Variants in FAF1 observed in about 807,000 individuals in gnomAD.
FAF1 encodes the protein Fas associated factor 1.
A neutral mutation model predicts 92.5 loss-of-function variants in FAF1; 25 were observed. The observed-to-expected ratio is 0.27, with a 90% CI of 0.20 to 0.38. FAF1 has a LOEUF of 0.38. Ranked by LOEUF, FAF1 falls within the 10% of genes least tolerant of loss-of-function variation. FAF1 has a pLI of 1.00. For synonymous variants in FAF1, 234 were observed against 273.2 expected (o/e 0.86, Z 1.42); for missense variants, 636 against 793.3 (o/e 0.80, Z 2.38).
intron 15 of FAF1, among the ~76,000 whole-genome samples, chr1:50,530,300 AGTGT>A (rs904131423): frequency 1.0e-4 from 13 of 127,282 alleles, no homozygotes; most frequent in South Asian, 2.6e-4. Flanking sequence ...TATATGTATG[AGTGT>A]GTGTGTGTGT....
At chr1:50,645,656 C>G (rs1329624290) in intron 8 of FAF1, among the ~76,000 whole-genome samples, 1 of 152,080 alleles carries the variant, frequency 6.6e-6, no homozygotes, top group African/African-American at 2.4e-5. Flanking sequence ...AACCCCGTCT[C>G]TACTAAAAAT....
At chr1:50,662,517 A>G (rs143576568) in intron 7 of FAF1, among the ~76,000 whole-genome samples, 6 of 152,110 alleles carry the variant, frequency 3.9e-5, no homozygotes, top group African/African-American at 1.4e-4. Flanking sequence ...GCCATCCTGA[A>G]ACACTACCCA....
chr1:50,559,586 A>G (rs1475510069), intron 13 of FAF1, among the ~76,000 whole-genome samples: 1 of 152,238 alleles, frequency 6.6e-6, no homozygotes, highest in Non-Finnish European at 1.5e-5. Context: ...CATTGTTTGC[A>G]GGGACAATTG....
At chr1:50,932,056 C>G (rs914831454) in intron 1 of FAF1, among the ~76,000 whole-genome samples, 3 of 151,698 alleles carry the variant, frequency 2.0e-5, no homozygotes, top group African/African-American at 7.3e-5. Flanking sequence ...ATTCAATTAC[C>G]TCCCCCCGGG....
At chr1:50,720,399 A>G (rs1658359197) in intron 6 of FAF1, among the ~76,000 whole-genome samples, 1 of 152,254 alleles carries the variant, frequency 6.6e-6, no homozygotes, top group Non-Finnish European at 1.5e-5. Context: ...TGTACTTGAA[A>G]TACTGATTAT....
intron 7 of FAF1, among the ~76,000 whole-genome samples, chr1:50,656,055 G>A (rs1293818843): frequency 6.6e-6 from 1 of 152,086 alleles, no homozygotes; most frequent in African/African-American, 2.4e-5. Flanking sequence ...CACAGGGCCG[G>A]GGACGGTGGC....
At chr1:50,627,690 G>C (rs547356934) in intron 8 of FAF1, among the ~76,000 whole-genome samples, 8 of 152,264 alleles carry the variant, frequency 5.3e-5, no homozygotes, top group African/African-American at 1.9e-4. Flanking sequence ...TGGATAAAGG[G>C]AATGTGAGGG....
intron 1 of FAF1, among the ~76,000 whole-genome samples, chr1:50,933,453 T>C (rs937158357): frequency 1.3e-5 from 2 of 152,342 alleles, no homozygotes; most frequent in African/African-American, 4.8e-5. Flanking sequence ...TTTGCTCCAG[T>C]TGCCAACAAG....
At chr1:50,931,524 G>A (rs1326238019) in intron 1 of FAF1, among the ~76,000 whole-genome samples, 1 of 152,108 alleles carries the variant, frequency 6.6e-6, no homozygotes, top group Non-Finnish European at 1.5e-5. Context: ...AGCAAAAGCA[G>A]AAATCCCTGA....
intron 8 of FAF1, among the ~76,000 whole-genome samples, chr1:50,637,700 T>TGTGTGTGC (rs1389191575): frequency 1.3e-5 from 2 of 150,744 alleles, no homozygotes; most frequent in African/African-American, 4.9e-5. Flanking sequence ...TGTGTGTGTG[T>TGTGTGTGC]GTGTGTGTGT....
At chr1:50,536,910 A>G (rs1648513270) in intron 14 of FAF1, among the ~76,000 whole-genome samples, 1 of 152,210 alleles carries the variant, frequency 6.6e-6, no homozygotes, top group African/African-American at 2.4e-5. Context: ...AAGTATATAC[A>G]AATCATTGGT....
At chr1:50,664,480 T>C (rs1055537490) in intron 7 of FAF1, among the ~76,000 whole-genome samples, 1 of 151,632 alleles carries the variant, frequency 6.6e-6, no homozygotes, top group Non-Finnish European at 1.5e-5. Context: ...GAGAACTATG[T>C]TTGAGCCATA....
intron 6 of FAF1, among the ~76,000 whole-genome samples, chr1:50,730,638 C>T (rs1436666313): frequency 6.6e-6 from 1 of 152,064 alleles, no homozygotes; most frequent in East Asian, 1.9e-4. Flanking sequence ...TTTCTCATGC[C>T]AGAAGCAGGG....
At chr1:50,561,408 T>G (rs756111384) in intron 13 of FAF1, among the ~76,000 whole-genome samples, 1 of 152,172 alleles carries the variant, frequency 6.6e-6, no homozygotes, top group Non-Finnish European at 1.5e-5. Flanking sequence ...CAGGGGAAGA[T>G]CACACAATTA....
intron 13 of FAF1, among the ~76,000 whole-genome samples, chr1:50,553,280 C>T (rs930627574): frequency 2.0e-5 from 3 of 152,074 alleles, no homozygotes; most frequent in Admixed American, 2.0e-4. Context: ...AATATAGTTT[C>T]TATTAGTGAC....
intron 13 of FAF1, among the ~76,000 whole-genome samples, chr1:50,562,048 CCTGA>C (rs1446175193): frequency 6.6e-6 from 1 of 152,090 alleles, no homozygotes; most frequent in African/African-American, 2.4e-5. Flanking sequence ...GCATTTTAAC[CCTGA>C]CTGAGGCAAG....
intron 6 of FAF1, among the ~76,000 whole-genome samples, chr1:50,716,740 A>G (rs888595981): frequency 6.6e-6 from 1 of 152,208 alleles, no homozygotes; most frequent in Non-Finnish European, 1.5e-5. Flanking sequence ...CTGTGTGCGT[A>G]GCTAAAGGAC....
intron 13 of FAF1, among the ~76,000 whole-genome samples, chr1:50,562,409 T>C (rs916538520): frequency 5.9e-5 from 9 of 152,166 alleles, no homozygotes; most frequent in African/African-American, 1.2e-4. Flanking sequence ...TCCTCAATTA[T>C]TTCAACCACT....
At chr1:50,693,270 G>A (rs1409733579) in intron 7 of FAF1, among the ~76,000 whole-genome samples, 2 of 152,002 alleles carry the variant, frequency 1.3e-5, no homozygotes, top group Non-Finnish European at 2.9e-5. Flanking sequence ...TTTCATTCTT[G>A]TGCATGTAGA....
Sources: allele counts gnomAD v4.1 joint callset (sites outside exome capture counted in the v4.1 genomes callset), GRCh38; gene constraint gnomAD v4.1.1; transcripts MANE v1.5; gene names NCBI Gene and HGNC (gene_info 2026-07-23, HGNC 2026-07-21).